MED27: variants seen among roughly 807,000 people sequenced by gnomAD.
MED27 encodes mediator complex subunit 27.
MED27 carries 30 observed loss-of-function variants against 38.2 expected under a neutral mutation model. The observed-to-expected ratio is 0.79, with a 90% confidence interval of 0.59 to 1.07. The LOEUF (loss-of-function observed/expected upper bound fraction) is 1.07, where lower values mean the gene tolerates loss of function less well. MED27 is among the 50% of genes least tolerant of loss of function. The probability of loss-of-function intolerance (pLI) is 0.00; values close to 1 mark genes in which losing one functional copy is unlikely to be tolerated. For synonymous variants in MED27, 122 were observed against 153.5 expected (o/e 0.79, Z 1.52); for missense variants, 289 against 397.5 (o/e 0.73, Z 2.32).
intron 3 of MED27, among the ~76,000 whole-genome samples, chr9:131,993,006 T>C (rs973165633): frequency 2.6e-5 from 4 of 152,284 alleles, no homozygotes; most frequent in Admixed American, 1.3e-4. Context: ...AAGGCACACA[T>C]ATGGGGCATG....
intron 6 of MED27, among the ~76,000 whole-genome samples, chr9:131,879,305 G>T (rs1435640106): frequency 2.0e-5 from 3 of 152,196 alleles, no homozygotes; most frequent in Admixed American, 2.0e-4. Context: ...AGACCTCAGG[G>T]TGGGCACGGG....
intron 5 of MED27, among the ~76,000 whole-genome samples, chr9:131,886,798 C>G (rs115180940): frequency 6.6e-6 from 1 of 152,132 alleles, no homozygotes; most frequent in Non-Finnish European, 1.5e-5. Context: ...TTCTCAGTGC[C>G]GCAGTTTAGC....
At chr9:131,928,495 C>T (rs1830522325) in intron 4 of MED27, among the ~76,000 whole-genome samples, 1 of 152,184 alleles carries the variant, frequency 6.6e-6, no homozygotes, top group African/African-American at 2.4e-5. Context: ...TGAGTGACAC[C>T]ACTCCTCCTC....
At chr9:131,873,269 G>A (rs1390404736) in intron 6 of MED27, among the ~76,000 whole-genome samples, 1 of 152,162 alleles carries the variant, frequency 6.6e-6, no homozygotes, top group Non-Finnish European at 1.5e-5. Flanking sequence ...CTAAGGATGT[G>A]TGCTGGTTCG....
intron 3 of MED27, among the ~76,000 whole-genome samples, chr9:131,954,689 T>C (rs1255193012): frequency 2.6e-5 from 4 of 152,156 alleles, no homozygotes; most frequent in Admixed American, 6.5e-5. Context: ...TGAGCCCTAC[T>C]ACCTATTTCT....
chr9:132,048,724 C>T (rs143713396), intron 2 of MED27, among the ~76,000 whole-genome samples: 1 of 152,328 alleles, frequency 6.6e-6, no homozygotes, highest in East Asian at 1.9e-4. Flanking sequence ...TCTGTGGCCA[C>T]GGCCCGTCCT....
At chr9:132,033,316 C>T (rs571910951) in intron 2 of MED27, among the ~76,000 whole-genome samples, 9 of 152,340 alleles carry the variant, frequency 5.9e-5, no homozygotes, top group African/African-American at 2.2e-4. Flanking sequence ...GCTTCGGATT[C>T]AATACCACAT....
At chr9:131,956,231 A>ACCT in intron 3 of MED27, among the ~76,000 whole-genome samples, 1 of 152,344 alleles carries the variant, frequency 6.6e-6, no homozygotes, top group Middle Eastern at 3.4e-3. Flanking sequence ...ATCCATAGAG[A>ACCT]CAGAAAGTAG....
intron 2 of MED27, among the ~76,000 whole-genome samples, chr9:132,036,713 CATTT>C (rs1564334511): frequency 6.6e-6 from 1 of 152,168 alleles, no homozygotes; most frequent in Non-Finnish European, 1.5e-5. Context: ...TGTGAAAACA[CATTT>C]ATTACAGAAA....
chr9:132,056,249 G>A (rs542926473), intron 2 of MED27, among the ~76,000 whole-genome samples: 3 of 152,124 alleles, frequency 2.0e-5, no homozygotes, highest in African/African-American at 7.2e-5. Flanking sequence ...AACAGACACT[G>A]CTCATGCAAG....
chr9:132,023,526 T>C (rs1832758979), intron 2 of MED27, among the ~76,000 whole-genome samples: 1 of 152,216 alleles, frequency 6.6e-6, no homozygotes, highest in South Asian at 2.1e-4. Context: ...ATGAAATGCC[T>C]GTTTCTGCTT....
At chr9:132,054,643 C>T (rs1244436049) in intron 2 of MED27, among the ~76,000 whole-genome samples, 3 of 152,086 alleles carry the variant, frequency 2.0e-5, no homozygotes, top group African/African-American at 7.2e-5. Context: ...CTCCTGGGAT[C>T]TAGAGATCCA....
chr9:132,073,858 A>C, intron 2 of MED27: 1 of 1,309,506 alleles, frequency 7.6e-7, no homozygotes, highest in Non-Finnish European at 9.8e-7. Flanking sequence ...TTGCAGCTTC[A>C]GATGTTGCCA....
chr9:131,973,700 C>T (rs549208633), intron 3 of MED27, among the ~76,000 whole-genome samples: 16 of 151,942 alleles, frequency 1.1e-4, no homozygotes, highest in Non-Finnish European at 2.1e-4. Context: ...TACTGAATTA[C>T]TGTATTACTG....
chr9:131,869,220 G>A (rs1435050667), intron 6 of MED27: 1 of 985,324 alleles, frequency 1.0e-6, no homozygotes, highest in Non-Finnish European at 1.2e-6. Flanking sequence ...GTCCTCCACT[G>A]CTGGTTTTGG....
chr9:132,026,345 T>C (rs1450364992), intron 2 of MED27, among the ~76,000 whole-genome samples: 8 of 152,206 alleles, frequency 5.3e-5, no homozygotes, highest in Non-Finnish European at 1.0e-4. Context: ...GTAGGCTGCC[T>C]TTCCCTTTAA....
At chr9:131,888,926 A>G (rs1182364579) in intron 5 of MED27, among the ~76,000 whole-genome samples, 1 of 152,240 alleles carries the variant, frequency 6.6e-6, no homozygotes, top group Non-Finnish European at 1.5e-5. Context: ...ATTTGTTACT[A>G]AAAAACTGCT....
At chr9:131,871,164 G>A (rs932382351) in intron 6 of MED27, among the ~76,000 whole-genome samples, 6 of 152,106 alleles carry the variant, frequency 3.9e-5, no homozygotes, top group African/African-American at 1.2e-4. Context: ...TGTACGCCCC[G>A]GATTCGGTGC....
intron 3 of MED27, among the ~76,000 whole-genome samples, chr9:131,959,062 G>A (rs940664752): frequency 1.3e-5 from 2 of 152,128 alleles, no homozygotes; most frequent in Admixed American, 1.3e-4. Context: ...ACAATTTTTG[G>A]ATAGAAAATT....
Sources: allele counts gnomAD v4.1 joint callset (sites outside exome capture counted in the v4.1 genomes callset), GRCh38; gene constraint gnomAD v4.1.1; transcripts MANE v1.5; gene names NCBI Gene and HGNC (gene_info 2026-07-23, HGNC 2026-07-21).